The following ZCCHC4 variants were observed in gnomAD, a reference collection of about 807,000 sequenced individuals.
ZCCHC4 encodes the protein rRNA N(6)-adenosine-methyltransferase ZCCHC4.
ZCCHC4 carries 54 observed loss-of-function variants against 67.7 expected under a neutral mutation model. That is an observed-to-expected ratio of 0.80 (90% CI 0.64 to 1.00). The LOEUF (loss-of-function observed/expected upper bound fraction) is 1.00, where lower values mean the gene tolerates loss of function less well. Among genes scored for constraint, ZCCHC4 ranks in the 50% least tolerant of loss-of-function variants. The pLI is 0.00. For synonymous variants in ZCCHC4, 198 were observed against 213.5 expected (o/e 0.93, Z 0.63); for missense variants, 609 against 617.0 (o/e 0.99, Z 0.14).
At position 25,365,443 on chromosome 4, in the gene ZCCHC4, G is replaced by A. The variant is rs552955241; in HGVS notation, c.1406+277G>A. On this transcript the variant is annotated intron_variant, in intron 12 of 12. Transcript: ENST00000302874. ...ACCTCTCCTTGGCTTTACGTCTCAT[G>A]TGTAAAGTTATAGGGGGTGACAGTT... is the stretch of plus-strand genomic sequence containing the variant. 200 of 1,172,452 alleles carry A rather than the reference G, an allele frequency of 1.7e-4. 1 individual carries two copies. The African/African-American group carries it at 2.8e-3, about 17-fold the overall frequency. 72.6% of individuals were successfully genotyped at this position (1,172,452 alleles called of 1,614,324 possible). A position where few individuals can be genotyped will look rare whatever the true frequency, so the allele number is the denominator to read the frequency against.
chr4:25,320,256 C>T (rs1041400777), intron 3 of ZCCHC4, among the ~76,000 whole-genome samples: 4 of 152,046 alleles, frequency 2.6e-5, no homozygotes, highest in African/African-American at 9.7e-5. Flanking sequence ...AGTATGTTTG[C>T]ACCCTTATTG....
chr4:25,345,906 CCT>C (rs779421630), intron 6 of ZCCHC4, among the ~76,000 whole-genome samples: 2 of 152,172 alleles, frequency 1.3e-5, no homozygotes, highest in African/African-American at 2.4e-5. Flanking sequence ...CTCCCCTCTC[CCT>C]GTTTCCCCTT....
chr4:25,333,271 C>A lies in ZCCHC4; in HGVS notation c.418C>A (p.His140Asn). The A allele has an allele frequency of 6.2e-7, 1 of 1,614,142 alleles. No individual in the cohort carries two copies. The highest frequency in any genetic ancestry group is 8.5e-7 in the Non-Finnish European group (1 of 1,180,014). The change falls in exon 4 of 13, where the codon CAT becomes AAT. Residue 140 changes from histidine to asparagine, a missense_variant. Coordinates refer to ENST00000302874, the MANE Select transcript of ZCCHC4 (RefSeq NM_024936.3). ...QLLLPDDWGQHSEHQVLGNVS... is the reference protein window; with the variant it reads ...QLLLPDDWGQNSEHQVLGNVS... ...GTTGTTACCAGATGACTGGGGGCAA[C>A]ATAGTGAGCATCAGGTTCTGGGTAA...
In ZCCHC4 at chr4:25,349,543, A is replaced by G; in HGVS notation, c.811A>G (p.Ile271Val). The change falls in exon 7 of 13, where the codon ATC (isoleucine) becomes GTC (valine). Residue 271 changes from isoleucine to valine, a missense_variant. By Grantham distance (29) the Ile-to-Val change is conservative. Transcript: ENST00000302874. ...TTTACAGGAAGATAAAGGCGAAGGA[A>G]TCATTATGGTGACGGATCCTCCGTT... Reference protein sequence around the residue: ...AFLQEDKGEGIIMVTDPPFGG... With the variant: ...AFLQEDKGEGVIMVTDPPFGG... 6.2e-7 allele frequency: 1 copy of G among 1,614,016 alleles called. No homozygotes were observed. Among genetic ancestry groups the G allele is most frequent in the South Asian group, 1.1e-5 (1 of 91,082 alleles).
intron 5 of ZCCHC4, among the ~76,000 whole-genome samples, chr4:25,341,721 G>T (rs1719764065): frequency 6.6e-6 from 1 of 152,186 alleles, no homozygotes; most frequent in Admixed American, 6.5e-5. Context: ...CCTCTGTGTT[G>T]TTCAAAGGTC....
chr4:25,340,868 G>A (rs1354258801), intron 5 of ZCCHC4, among the ~76,000 whole-genome samples: 1 of 152,028 alleles, frequency 6.6e-6, no homozygotes, highest in Non-Finnish European at 1.5e-5. Context: ...TGGACTGCTC[G>A]GGTTCACTTA....
At chr4:25,352,145 A>C (rs1720330318) in intron 8 of ZCCHC4, 4 of 985,702 alleles carry the variant, frequency 4.1e-6, no homozygotes, top group Non-Finnish European at 4.8e-6. Context: ...CACTCTTGGG[A>C]TGTCAGGAGT....
At chr4:25,367,868 G>T (rs1721011201) in intron 12 of ZCCHC4, among the ~76,000 whole-genome samples, 1 of 152,178 alleles carries the variant, frequency 6.6e-6, no homozygotes, top group Non-Finnish European at 1.5e-5. Flanking sequence ...ATTTAAAGTA[G>T]AGTATATAGT....
chr4:25,365,874 A>G, intron 12 of ZCCHC4: 1 of 985,278 alleles, frequency 1.0e-6, no homozygotes, highest in Non-Finnish European at 1.2e-6. Context: ...GAATGATTAT[A>G]CTTTTTTCCT....
chr4:25,357,429 C>G (rs993282784), intron 8 of ZCCHC4, among the ~76,000 whole-genome samples: 1 of 152,178 alleles, frequency 6.6e-6, no homozygotes, highest in Non-Finnish European at 1.5e-5. Flanking sequence ...AGCTTTTACA[C>G]AGTTATGCTG....
intron 3 of ZCCHC4, among the ~76,000 whole-genome samples, chr4:25,315,708 G>T (rs1577719617): frequency 1.8e-5 from 2 of 109,362 alleles, no homozygotes; most frequent in African/African-American, 3.4e-5. Context: ...ATTTATTTTT[G>T]TGTGTTTTTT....
intron 5 of ZCCHC4, among the ~76,000 whole-genome samples, chr4:25,340,998 T>G (rs115020275): frequency 1.4e-3 from 209 of 152,208 alleles, no homozygotes; most frequent in African/African-American, 4.8e-3. Context: ...TTAAATAATA[T>G]CGTCTCTTCC....
At chr4:25,328,792 A>G (rs925400026) in intron 3 of ZCCHC4, among the ~76,000 whole-genome samples, 3 of 151,586 alleles carry the variant, frequency 2.0e-5, no homozygotes, top group Non-Finnish European at 4.4e-5. Flanking sequence ...CATGTTTCCC[A>G]TGCTGGTCTC....
At chr4:25,354,843 T>C (rs1720450639) in intron 8 of ZCCHC4, among the ~76,000 whole-genome samples, 1 of 151,712 alleles carries the variant, frequency 6.6e-6, no homozygotes, top group African/African-American at 2.4e-5. Context: ...TTAGCCTTCA[T>C]TGAATGAAAA....
rs751159038 is a variant in ZCCHC4, at chr4:25,333,412, C to A, written c.559C>A (p.Leu187Ile). 1.4e-5 allele frequency: 22 copies of A among 1,614,100 alleles called. No homozygotes were observed. Among genetic ancestry groups the A allele is most frequent in the Non-Finnish European group, 1.8e-5 (21 of 1,180,046 alleles). Residue 187 changes from leucine (L) to isoleucine (I), a missense_variant, in exon 4 of 13, where the codon CTT becomes ATT. Transcript: ENST00000302874. ...GAGCTGTCAGTTCTTGGTAGACTTA[C>A]TTTCTGCCCTCGGATTCAGAAGAGT... ...DRSCQFLVDL[L>I]SALGFRRVLC...
At chr4:25,321,665 G>A (rs1372098150) in intron 3 of ZCCHC4, among the ~76,000 whole-genome samples, 8 of 151,962 alleles carry the variant, frequency 5.3e-5, no homozygotes, top group African/African-American at 1.9e-4. Context: ...GTGCCACGGC[G>A]CCTGGCTGGC....
intron 5 of ZCCHC4, among the ~76,000 whole-genome samples, chr4:25,339,100 G>A (rs893716646): frequency 2.0e-5 from 3 of 152,122 alleles, no homozygotes; most frequent in African/African-American, 4.8e-5. Context: ...CTTTGTGTGC[G>A]TATCCCTGGC....
intron 5 of ZCCHC4, among the ~76,000 whole-genome samples, chr4:25,337,703 G>A (rs1449220796): frequency 1.3e-5 from 2 of 152,192 alleles, no homozygotes; most frequent in African/African-American, 2.4e-5. Flanking sequence ...TCAAGACAAT[G>A]TATACAGTTG....
chr4:25,368,662 G>A (rs143968140), intron 12 of ZCCHC4, among the ~76,000 whole-genome samples: 56 of 152,188 alleles, frequency 3.7e-4, no homozygotes, highest in African/African-American at 1.3e-3. Flanking sequence ...CAAAAAAAAC[G>A]GAATTCAAGG....
Sources: gnomAD v4.1 joint callset for allele counts (sites outside exome capture counted in the v4.1 genomes callset) on GRCh38, gnomAD v4.1.1 for gene constraint, MANE v1.5 for transcripts, NCBI Gene and HGNC (gene_info 2026-07-23, HGNC 2026-07-21) for gene names.